The following DLGAP2 variants were observed in gnomAD, a reference collection of about 807,000 sequenced individuals.
DLGAP2 encodes DLG associated protein 2, also known as disks large-associated protein 2.
Under a neutral mutation model 100.3 loss-of-function variants are expected in DLGAP2, and 26 were observed. The ratio of observed to expected loss-of-function variants is 0.26; its 90% confidence interval spans 0.19 to 0.36. The LOEUF is 0.36. DLGAP2 is among the 10% of genes least tolerant of loss of function. The pLI, the probability that DLGAP2 is intolerant of heterozygous loss-of-function variation, is 1.00. For missense variants in DLGAP2, 1,858 were observed against 1,453.2 expected (o/e 1.28, Z -4.53); for synonymous variants, 886 against 630.1 (o/e 1.41, Z -6.08).
intron 3 of DLGAP2, among the ~76,000 whole-genome samples, chr8:1,464,110 G>C (rs1798538498): frequency 3.6e-5 from 2 of 55,908 alleles, no homozygotes; most frequent in African/African-American, 1.5e-4. Flanking sequence ...TCCCAGGCAA[G>C]TCACTGTCCC....
intron 3 of DLGAP2, among the ~76,000 whole-genome samples, chr8:1,282,686 A>T (rs1177906314): frequency 1.1e-5 from 1 of 88,372 alleles, no homozygotes; most frequent in African/African-American, 5.1e-5. Flanking sequence ...AACCCAGCGC[A>T]TGAACCATCC....
At chr8:1,041,023 T>C (rs1159562346) in intron 2 of DLGAP2, among the ~76,000 whole-genome samples, 1 of 152,200 alleles carries the variant, frequency 6.6e-6, no homozygotes, top group African/African-American at 2.4e-5. Flanking sequence ...TCAGCTACTT[T>C]GTGTGAGTGA....
chr8:1,034,082 C>T (rs1311999429), intron 2 of DLGAP2, among the ~76,000 whole-genome samples: 1 of 76,312 alleles, frequency 1.3e-5, no homozygotes, highest in African/African-American at 5.3e-5. Context: ...AGCCTCATCC[C>T]GACCCCGCGT....
chr8:1,343,716 G>GC (rs1554446983), intron 3 of DLGAP2, among the ~76,000 whole-genome samples: 2 of 151,736 alleles, frequency 1.3e-5, no homozygotes, highest in Non-Finnish European at 2.9e-5. Flanking sequence ...GTCGTGGGGG[G>GC]TGTTAGAGGC....
At chr8:1,335,304 C>G (rs1801249087) in intron 3 of DLGAP2, among the ~76,000 whole-genome samples, 1 of 152,186 alleles carries the variant, frequency 6.6e-6, no homozygotes, top group African/African-American at 2.4e-5. Context: ...GCTGGAGAAA[C>G]AACCTTCAGC....
At chr8:1,365,281 G>A (rs953171244) in intron 3 of DLGAP2, among the ~76,000 whole-genome samples, 4 of 152,138 alleles carry the variant, frequency 2.6e-5, no homozygotes, top group African/African-American at 9.7e-5. Flanking sequence ...GGGGATGTGT[G>A]GCTCAGGTGC....
chr8:795,435 T>G (rs978663928), intron 1 of DLGAP2, among the ~76,000 whole-genome samples: 1 of 152,152 alleles, frequency 6.6e-6, no homozygotes, highest in African/African-American at 2.4e-5. Context: ...GCACCAAGCT[T>G]GGGGCCATTT....
chr8:1,507,540 C>T (rs1315943438), intron 4 of DLGAP2, among the ~76,000 whole-genome samples: 1 of 152,148 alleles, frequency 6.6e-6, no homozygotes, highest in Non-Finnish European at 1.5e-5. Flanking sequence ...AGGGAGCCGG[C>T]TCCGGCCTCG....
chr8:1,184,635 A>G (rs1797460915), intron 2 of DLGAP2, among the ~76,000 whole-genome samples: 1 of 152,146 alleles, frequency 6.6e-6, no homozygotes, highest in African/African-American at 2.4e-5. Flanking sequence ...GCTGGAGTGC[A>G]AGGTCGTTTT....
intron 2 of DLGAP2, among the ~76,000 whole-genome samples, chr8:1,222,816 G>A (rs928998970): frequency 2.0e-5 from 3 of 152,114 alleles, no homozygotes; most frequent in Non-Finnish European, 4.4e-5. Flanking sequence ...GCAAGTGGGT[G>A]CATCCAGGCG....
At chr8:1,495,343 G>A (rs1799512508) in intron 3 of DLGAP2, among the ~76,000 whole-genome samples, 3 of 152,222 alleles carry the variant, frequency 2.0e-5, no homozygotes, top group Non-Finnish European at 1.5e-5. Flanking sequence ...TCCAGGACAA[G>A]GAGAGGCAGC....
intron 3 of DLGAP2, among the ~76,000 whole-genome samples, chr8:1,364,502 C>A (rs76166525): frequency 1.4e-5 from 2 of 141,520 alleles, no homozygotes; most frequent in African/African-American, 5.4e-5. Context: ...ATGGGAAGGG[C>A]GGGGGGGGTG....
intron 1 of DLGAP2, chr8:739,449 G>A (rs1820426211): frequency 6.6e-6 from 1 of 152,246 alleles, no homozygotes; most frequent in Non-Finnish European, 1.5e-5. Context: ...CCTTCCCCCG[G>A]GTCGCGAAGC....
At chr8:1,226,871 A>G (rs1202416981) in intron 2 of DLGAP2, among the ~76,000 whole-genome samples, 1 of 151,996 alleles carries the variant, frequency 6.6e-6, no homozygotes, top group East Asian at 1.9e-4. Flanking sequence ...GAGATAACAA[A>G]TGTTAGTGCA....
intron 4 of DLGAP2, among the ~76,000 whole-genome samples, chr8:1,520,954 C>T (rs1343807950): frequency 3.9e-5 from 6 of 152,202 alleles, no homozygotes; most frequent in Admixed American, 1.3e-4. Flanking sequence ...GTGGCTGCAC[C>T]GCTTTGCACT....
chr8:909,387 A>G (rs1312005421), intron 2 of DLGAP2, among the ~76,000 whole-genome samples: 1 of 152,224 alleles, frequency 6.6e-6, no homozygotes, highest in Non-Finnish European at 1.5e-5. Context: ...AGGAATAACG[A>G]TAAAATAAGT....
chr8:1,384,807 T>G (rs375354950), intron 3 of DLGAP2, among the ~76,000 whole-genome samples: 39 of 16,530 alleles, frequency 2.4e-3, no homozygotes, highest in East Asian at 7.9e-3. Context: ...CCTGTGCCCG[T>G]CCCCTGAGAA....
At position 1,370,909 on chromosome 8, in the gene DLGAP2, A is replaced by T. The variant is rs1802221722; in HGVS notation, c.106+112026A>T. Among the ~76,000 whole-genome samples the T allele has an allele frequency of 2.0e-5, 3 of 152,228 alleles. No individual in the cohort carries two copies. The South Asian group carries it at 6.2e-4, about 32-fold the overall frequency. ...TTCATCTGTGTGTTAGGTGCCTAGA[A>T]CAGGGCTTTACACCATGGATAGAAT... On this transcript the variant is annotated intron_variant, in intron 3 of 14. Coordinates refer to ENST00000637795, the MANE Select transcript of DLGAP2 (RefSeq NM_001346810.2).
rs563978743 is a variant in DLGAP2, at chr8:1,138,242, G to C, written c.74-120609G>C. 3.9e-5 allele frequency among the ~76,000 whole-genome samples: 6 copies of C among 152,292 alleles called. No individual in the cohort carries two copies. The East Asian group carries it at 1.2e-3, about 30-fold the overall frequency. Reference sequence around the variant, plus strand: ...CTCAATGCTCCCTGAGTCCCCTGTTGGTTCTCTAAGCATCGCAGGAGCCTA... The same window carrying C: ...CTCAATGCTCCCTGAGTCCCCTGTTCGTTCTCTAAGCATCGCAGGAGCCTA... On this transcript the variant is annotated intron_variant, in intron 2 of 14. Coordinates refer to ENST00000637795, the MANE Select transcript of DLGAP2 (RefSeq NM_001346810.2).
Sources: gnomAD v4.1 joint callset for allele counts (sites outside exome capture counted in the v4.1 genomes callset) on GRCh38, gnomAD v4.1.1 for gene constraint, MANE v1.5 for transcripts, NCBI Gene and HGNC (gene_info 2026-07-23, HGNC 2026-07-21) for gene names.